Variants in ERFL observed in about 807,000 individuals in gnomAD.
ERFL encodes ETS repressor factor like.
In ERFL, 8 loss-of-function variants were observed where a neutral mutation model predicts 27.9. That is an observed-to-expected ratio of 0.29 (90% CI 0.17 to 0.52). ERFL has a LOEUF of 0.52. Among genes scored for constraint, ERFL ranks in the 20% least tolerant of loss-of-function variants. The pLI is 0.97. For synonymous variants in ERFL, 174 were observed against 202.8 expected (o/e 0.86, Z 1.21); for missense variants, 294 against 444.4 (o/e 0.66, Z 3.04).
At chr19:41,926,164 G>C (rs2074869435) in intron 1 of ERFL, among the ~76,000 whole-genome samples, 1 of 152,020 alleles carries the variant, frequency 6.6e-6, no homozygotes, top group Non-Finnish European at 1.5e-5. Context: ...TCCAGTGGAA[G>C]GGGCAGATTT....
chr19:41,927,377 C>T (rs990372290), intron 1 of ERFL, among the ~76,000 whole-genome samples: 3 of 152,126 alleles, frequency 2.0e-5, no homozygotes, highest in Non-Finnish European at 4.4e-5. Flanking sequence ...ACCCCTCATA[C>T]CAAATATCCA....
chr19:41,920,179 C>T (rs1245448910), intron 1 of ERFL, among the ~76,000 whole-genome samples: 13 of 127,472 alleles, frequency 1.0e-4, no homozygotes, highest in South Asian at 4.0e-4. Context: ...AGACATGACA[C>T]GCTCACAGAC....
At chr19:41,919,067 C>T (rs61509766) in intron 1 of ERFL, among the ~76,000 whole-genome samples, 35,165 of 151,346 alleles carry the variant, frequency 0.23, 8,197 homozygotes, top group African/African-American at 0.61. Flanking sequence ...TGCATACACA[C>T]ACCCACACAC....
At chr19:41,918,767 A>G (rs1285736841) in intron 1 of ERFL, among the ~76,000 whole-genome samples, 1 of 148,676 alleles carries the variant, frequency 6.7e-6, no homozygotes, top group African/African-American at 2.5e-5. Flanking sequence ...ATATACATCT[A>G]CCACACACAT....
chr19:41,908,754 A>G lies in ERFL; in HGVS notation c.617-78T>C. ...GTAAAGGGGGCTGCCTCCCTGCCAT[A>G]TCCCACCCCATCTCCCCGCATCCCT... On this transcript the variant is annotated intron_variant, in intron 5 of 5. Transcript: ENST00000597630. This position sits in a 1 kb window ranked among gnomAD's most constrained non-coding sequence, Gnocchi z 6.7. 2 of 683,750 alleles carry G rather than the reference A, an allele frequency of 2.9e-6. No individual in the cohort carries two copies. Among genetic ancestry groups the G allele is most frequent in the Non-Finnish European group, 4.1e-6 (2 of 487,524 alleles). 42.4% of individuals were successfully genotyped at this position (683,750 alleles called of 1,614,324 possible). A position where few individuals can be genotyped will look rare whatever the true frequency, so the allele number is the denominator to read the frequency against.
chr19:41,916,036 T>C lies in ERFL; in HGVS notation c.-13-3104A>G, dbSNP rs2074799443. Among the ~76,000 whole-genome samples, 1 of 142,450 alleles carries C rather than the reference T, an allele frequency of 7.0e-6. No homozygotes were observed. The highest frequency in any genetic ancestry group is 7.2e-5 in the Admixed American group (1 of 13,970). The allele number at this position is 142,450 out of a possible 152,430, so 93.5% of individuals were successfully genotyped here. A position where few individuals can be genotyped will look rare whatever the true frequency, so the allele number is the denominator to read the frequency against. ...CTCCACCCCCCCTTCGCCCCCCATC[T>C]CTACCGCCCGCAGCCATGGCACCGA... On this transcript the variant is annotated intron_variant, in intron 1 of 5. Transcript: ENST00000597630. This position sits in a 1 kb window ranked among gnomAD's most constrained non-coding sequence, Gnocchi z 5.4.
intron 1 of ERFL, among the ~76,000 whole-genome samples, chr19:41,922,888 C>T (rs2074850490): frequency 6.6e-6 from 1 of 152,224 alleles, no homozygotes; most frequent in Non-Finnish European, 1.5e-5. Context: ...AGCCCCACAC[C>T]GGGTCCCATG....
intron 2 of ERFL, 92 bp downstream of exon 2, chr19:41,912,761 A>T: frequency 2.3e-6 from 1 of 427,926 alleles, no homozygotes; most frequent in Non-Finnish European, 3.9e-6. Context: ...GACTAGAGTG[A>T]GACACGTGGA....
In ERFL at chr19:41,908,237, G is replaced by A. The variant is rs782086820; in HGVS notation, c.1056C>T (p.Thr352=). ...ATTGCCCCCTGCCGGCTCAGCTGCC[G>A]GTCCCCCCTTTGCCCGCCTTTGCCT... is the stretch of plus-strand genomic sequence containing the variant. ...PPKAKAGKGG[T]GS The change falls in exon 6 of 6, where the codon ACC becomes ACT. Residue 352 remains threonine, a synonymous_variant. Transcript: ENST00000597630. This position sits in a 1 kb window ranked among gnomAD's most constrained non-coding sequence, Gnocchi z 6.7. The A allele has an allele frequency of 2.3e-4, 289 of 1,231,716 alleles. 1 individual carries two copies. Among genetic ancestry groups the A allele is most frequent in the Admixed American group, 4.6e-4 (11 of 23,718 alleles). The allele number at this position is 1,231,716 out of a possible 1,614,324, so 76.3% of individuals were successfully genotyped here. A position where few individuals can be genotyped will look rare whatever the true frequency, so the allele number is the denominator to read the frequency against.
intron 1 of ERFL, chr19:41,923,126 C>A (rs192307989): frequency 2.2e-6 from 1 of 456,282 alleles, no homozygotes; most frequent in African/African-American, 2.0e-5. Flanking sequence ...GAGGTAGGAA[C>A]TGCCATGATG....
intron 1 of ERFL, chr19:41,923,061 C>A: frequency 2.3e-6 from 1 of 437,740 alleles, no homozygotes; most frequent in African/African-American, 2.0e-5. Flanking sequence ...GTTCAGCGCC[C>A]CCTCTGACCC....
chr19:41,926,504 T>A (rs1489531233), intron 1 of ERFL, among the ~76,000 whole-genome samples: 1 of 152,048 alleles, frequency 6.6e-6, no homozygotes, highest in Non-Finnish European at 1.5e-5. Context: ...TGCCAGATGG[T>A]CTGCCACCTC....
Position 41,921,058 on chromosome 19 carries a change from AGGGAGCGTCCCCGGGGAGGT to A in ERFL, c.-14+6962_-14+6981del, listed in dbSNP as rs1555852443. ...GAATGGTGTCAGTTGAGGGGTGGCGAGGGAGCGTCCCCGGGGAGGTGGGAGCCGCAGTGCCACGCACCCCG... is the reference window on the plus strand; with the variant it reads ...GAATGGTGTCAGTTGAGGGGTGGCGAGGGAGCCGCAGTGCCACGCACCCCG... On this transcript the variant is annotated intron_variant, in intron 1 of 5. Coordinates refer to ENST00000597630, the MANE Select transcript of ERFL (RefSeq NM_001365103.2). The surrounding 1 kb of genome is among the most constrained non-coding windows in gnomAD (Gnocchi z 4.4). 1.3e-5 allele frequency among the ~76,000 whole-genome samples: 2 copies of A among 152,002 alleles called. No individual in the cohort carries two copies. The highest frequency in any genetic ancestry group is 2.9e-5 in the Non-Finnish European group (2 of 67,998).
Position 41,911,976 on chromosome 19 carries a change from C to A in ERFL, c.67+877G>T, listed in dbSNP as rs868943949. Among the ~76,000 whole-genome samples, 276 of 152,048 alleles carry A rather than the reference C, an allele frequency of 1.8e-3. 2 individuals carry two copies. The highest frequency in any genetic ancestry group is 6.4e-3 in the African/African-American group (265 of 41,432). On this transcript the variant is annotated intron_variant, in intron 2 of 5. Transcript: ENST00000597630. Reference sequence around the variant, plus strand: ...AACACAGAGGCCCAGGGATGCATCCCCCCCACAGCCCCAAATGCACCAAGA... The same window carrying A: ...AACACAGAGGCCCAGGGATGCATCCACCCCACAGCCCCAAATGCACCAAGA...
Position 41,908,532 on chromosome 19 carries a change from T to G in ERFL, c.761A>C (p.Asn254Thr), listed in dbSNP as rs1599670038. ...PSLYPPHFYP[N>T]PLASSLGHLP... is the part of the protein sequence containing the mutation. ...GTGGCCCAGGGAACTGGCCAGAGGGTTGGGGTAGAAATGCGGGGGGTAGAG... is the reference window on the plus strand; with the variant it reads ...GTGGCCCAGGGAACTGGCCAGAGGGGTGGGGTAGAAATGCGGGGGGTAGAG... Residue 254 changes from asparagine (N) to threonine (T), a missense_variant, in exon 6 of 6, where the codon AAC becomes ACC. By Grantham distance (65) the Asn-to-Thr change is moderately conservative (BLOSUM62 0). This residue lies in a region of ERFL where 246 missense variants were observed against 371.4 expected (regional missense o/e 0.66). Transcript: ENST00000597630. This position sits in a 1 kb window ranked among gnomAD's most constrained non-coding sequence, Gnocchi z 6.7. 8.1e-7 allele frequency: 1 copy of G among 1,231,098 alleles called. No individual in the cohort carries two copies. Among genetic ancestry groups the G allele is most frequent in the South Asian group, 4.1e-5 (1 of 24,300 alleles). 76.3% of individuals were successfully genotyped at this position (1,231,098 alleles called of 1,614,324 possible).
intron 1 of ERFL, among the ~76,000 whole-genome samples, chr19:41,924,730 G>A (rs2074861786): frequency 1.3e-5 from 2 of 152,120 alleles, no homozygotes; most frequent in Non-Finnish European, 1.5e-5. Context: ...GGGAACAGGC[G>A]ACACATGTGT....
Position 41,919,907 on chromosome 19 carries a change from C to T in ERFL, c.-13-6975G>A, listed in dbSNP as rs898843617. Among the ~76,000 whole-genome samples the T allele has an allele frequency of 5.3e-5, 8 of 152,110 alleles. No homozygotes were observed. The East Asian group carries it at 5.8e-4, about 11-fold the overall frequency. On this transcript the variant is annotated intron_variant, in intron 1 of 5. Coordinates refer to ENST00000597630, the MANE Select transcript of ERFL (RefSeq NM_001365103.2). Reference sequence around the variant, plus strand: ...ACCAGACGCAGCTGAGCACCACACACGTCACACAGACATGACACGCTCACA... The same window carrying T: ...ACCAGACGCAGCTGAGCACCACACATGTCACACAGACATGACACGCTCACA...
chr19:41,915,221 ACGTTATAACGAGGAGC>A (rs1349602668), intron 1 of ERFL, among the ~76,000 whole-genome samples: 2 of 131,930 alleles, frequency 1.5e-5, no homozygotes, highest in Admixed American at 8.8e-5. Context: ...TCCTCCGGAC[ACGTTATAACGAGGAGC>A]CGTGGGATCG....
At chr19:41,918,381 A>T (rs1555852128) in intron 1 of ERFL, among the ~76,000 whole-genome samples, 27 of 149,664 alleles carry the variant, frequency 1.8e-4, no homozygotes. Flanking sequence ...CACACCACAC[A>T]TACACCACAT....
Sources: allele counts gnomAD v4.1 joint callset (sites outside exome capture counted in the v4.1 genomes callset), GRCh38; gene constraint gnomAD v4.1.1; regional missense constraint gnomAD v4.1.1; non-coding constraint Gnocchi (gnomAD v3.1); transcripts MANE v1.5; gene names NCBI Gene and HGNC (gene_info 2026-07-23, HGNC 2026-07-21).